The following LYRM4 variants were observed in gnomAD, a reference collection of about 807,000 sequenced individuals.
The protein encoded by LYRM4 is LYR motif-containing protein 4.
In LYRM4, 9 loss-of-function variants were observed where a neutral mutation model predicts 11.7. The ratio of observed to expected loss-of-function variants is 0.77; its 90% CI spans 0.46 to 1.34. The LOEUF (loss-of-function observed/expected upper bound fraction) is 1.34, where lower values mean the gene tolerates loss of function less well. LYRM4 is among the 40% of genes most tolerant of loss of function. The pLI, the probability that LYRM4 is intolerant of heterozygous loss-of-function variation, is 0.00. For missense variants in LYRM4, 133 were observed against 112.5 expected (o/e 1.18, Z -0.82); for synonymous variants, 42 against 40.4 (o/e 1.04, Z -0.15).
chr6:5,122,832 C>T (rs1424203384), intron 2 of LYRM4, among the ~76,000 whole-genome samples: 4 of 152,234 alleles, frequency 2.6e-5, no homozygotes, highest in Non-Finnish European at 5.9e-5. Context: ...CTCTCCTTCA[C>T]GCTCAGCATC....
downstream of LYRM4, among the ~76,000 whole-genome samples, chr6:5,101,705 TAGAGTCCCTCGTACATGA>T (rs1339358960): frequency 1.3e-5 from 2 of 152,166 alleles, no homozygotes; most frequent in Non-Finnish European, 2.9e-5. Flanking sequence ...GGGCTGGGGT[TAGAGTCCCTCGTACATGA>T]AGACATTCAC....
chr6:5,053,695 A>G, the LYRM4 span, among the ~76,000 whole-genome samples: 1 of 152,088 alleles, frequency 6.6e-6, no homozygotes, highest in African/African-American at 2.4e-5. Context: ...AATCCCTAGG[A>G]AATTATTTCT....
At chr6:5,227,788 G>C (rs1762977980) in intron 1 of LYRM4, among the ~76,000 whole-genome samples, 1 of 152,196 alleles carries the variant, frequency 6.6e-6, no homozygotes, top group African/African-American at 2.4e-5. Flanking sequence ...TTACACCACA[G>C]AATACTAAAC....
At chr6:5,211,651 G>A (rs530181369) in intron 2 of LYRM4, among the ~76,000 whole-genome samples, 13 of 152,290 alleles carry the variant, frequency 8.5e-5, no homozygotes, top group African/African-American at 2.9e-4. Context: ...AAAAGCACAA[G>A]CTTAAGAACA....
intron 1 of LYRM4, among the ~76,000 whole-genome samples, chr6:5,246,782 T>C (rs1304568360): frequency 2.6e-5 from 4 of 151,860 alleles, no homozygotes; most frequent in Admixed American, 2.0e-4. Context: ...CCTATGTACC[T>C]TGGAAGGGCC....
Position 5,109,069 on chromosome 6 carries a change from G to C in LYRM4, c.*354C>G. On this transcript the variant is annotated 3_prime_UTR_variant, in exon 3 of 3. Coordinates refer to ENST00000330636, the MANE Select transcript of LYRM4 (RefSeq NM_020408.6). ...TGGGAGGGGTTTATCTGGGGTCAAA[G>C]GCTCAGGGAGATCATTCTTTTTATT... 9.5e-7 allele frequency: 1 copy of C among 1,055,578 alleles called. No homozygotes were observed. The highest frequency in any genetic ancestry group is 4.6e-4 in the Middle Eastern group (1 of 2,174). 65.4% of individuals were successfully genotyped at this position (1,055,578 alleles called of 1,614,324 possible). A position where few individuals can be genotyped will look rare whatever the true frequency, so the allele number is the denominator to read the frequency against.
the LYRM4 span, among the ~76,000 whole-genome samples, chr6:5,059,802 T>C: frequency 1.8e-5 from 2 of 110,850 alleles, no homozygotes; most frequent in African/African-American, 6.7e-5. Flanking sequence ...TTAATCTGCC[T>C]TTTTTTTTTT....
At chr6:5,148,723 AC>A (rs1197422486) in intron 2 of LYRM4, among the ~76,000 whole-genome samples, 11 of 152,152 alleles carry the variant, frequency 7.2e-5, no homozygotes, top group Non-Finnish European at 1.2e-4. Flanking sequence ...CCATAACTTT[AC>A]CAACAATAAT....
the LYRM4 span, chr6:5,085,545 G>A: frequency 6.5e-7 from 1 of 1,539,940 alleles, no homozygotes; most frequent in Non-Finnish European, 8.7e-7. Context: ...CCTTCCGAGA[G>A]GCCCCGCCGG....
downstream of LYRM4, among the ~76,000 whole-genome samples, chr6:5,101,968 C>CTTTCTTTTTTTTTTTTTTTTT (rs1554124642): frequency 1.5e-5 from 1 of 67,988 alleles, no homozygotes; most frequent in African/African-American, 4.6e-5. Flanking sequence ...CTAATGCTTT[C>CTTTCTTTTTTTTTTTTTTTTT]TTTTTTTTTT....
chr6:5,052,803 GTC>G, the LYRM4 span, among the ~76,000 whole-genome samples: 13 of 152,202 alleles, frequency 8.5e-5, no homozygotes, highest in East Asian at 2.5e-3. Flanking sequence ...AGCTTATGCT[GTC>G]TAAGGAGCCC....
At chr6:5,198,633 T>C (rs577129559) in intron 2 of LYRM4, among the ~76,000 whole-genome samples, 2 of 152,264 alleles carry the variant, frequency 1.3e-5, no homozygotes, top group Admixed American at 1.3e-4. Context: ...TATCTAAACC[T>C]CATTGCCCAG....
chr6:5,177,529 T>G (rs10458085), intron 2 of LYRM4, among the ~76,000 whole-genome samples: 7,637 of 152,310 alleles, frequency 0.05, 291 homozygotes, highest in Non-Finnish European at 0.076. Flanking sequence ...TGAATTGACC[T>G]CTAGACCCAG....
At chr6:5,112,489 A>C (rs1443140762) in intron 2 of LYRM4, among the ~76,000 whole-genome samples, 5 of 152,216 alleles carry the variant, frequency 3.3e-5, no homozygotes, top group African/African-American at 1.2e-4. Context: ...CACAATGCAC[A>C]GGTGTTTAAA....
intron 1 of LYRM4, among the ~76,000 whole-genome samples, chr6:5,248,525 C>T (rs180821805): frequency 6.6e-6 from 1 of 152,360 alleles, no homozygotes; most frequent in East Asian, 1.9e-4. Flanking sequence ...CCACCCTCAT[C>T]TCCCACTACA....
chr6:5,073,058 C>G, the LYRM4 span, among the ~76,000 whole-genome samples: 107,011 of 151,964 alleles, frequency 0.7, 38,070 homozygotes, highest in East Asian at 0.9. Context: ...TATGAAGTTT[C>G]CTTTGTATGT....
chr6:5,051,991 A>T, the LYRM4 span, among the ~76,000 whole-genome samples: 4 of 152,170 alleles, frequency 2.6e-5, no homozygotes, highest in Admixed American at 6.5e-5. Flanking sequence ...TCTATTCATG[A>T]AGTGTCTGCC....
At chr6:5,236,433 C>T (rs1273563513) in intron 1 of LYRM4, 1 of 151,518 alleles carries the variant, frequency 6.6e-6, no homozygotes, top group Non-Finnish European at 1.5e-5. Context: ...CCACTGCACT[C>T]CAGCCTGGGC....
the LYRM4 span, among the ~76,000 whole-genome samples, chr6:5,048,188 G>A: frequency 1.3e-5 from 2 of 152,128 alleles, no homozygotes; most frequent in African/African-American, 4.8e-5. Flanking sequence ...AAATCTTGAT[G>A]ATTCTGTAGG....
Sources: gnomAD v4.1 joint callset for allele counts (sites outside exome capture counted in the v4.1 genomes callset) on GRCh38, gnomAD v4.1.1 for gene constraint, MANE v1.5 for transcripts, NCBI Gene and HGNC (gene_info 2026-07-23, HGNC 2026-07-21) for gene names.